The following NUAK1 variants were observed in gnomAD, a reference collection of about 807,000 sequenced individuals.
NUAK1 encodes the protein NUAK family SNF1-like kinase 1.
NUAK1 carries 26 observed loss-of-function variants against 56.9 expected under a neutral mutation model. The observed-to-expected ratio is 0.46, with a 90% CI of 0.33 to 0.63. The LOEUF is 0.63. Among genes scored for constraint, NUAK1 ranks in the 30% least tolerant of loss-of-function variants. The pLI is 0.02. For missense variants in NUAK1, 727 were observed against 876.1 expected, an observed-to-expected ratio of 0.83 and a Z score of 2.15; for synonymous variants, 337 against 336.0, an observed-to-expected ratio of 1.00 and a Z score of -0.03.
intron 2 of NUAK1, among the ~76,000 whole-genome samples, chr12:106,096,853 C>T (rs1203212181): frequency 6.6e-6 from 1 of 152,230 alleles, no homozygotes; most frequent in East Asian, 1.9e-4. Flanking sequence ...ATTTCTCAGC[C>T]TGGTCAATTA....
chr12:106,071,188 G>A (rs1349173987), intron 5 of NUAK1, among the ~76,000 whole-genome samples: 1 of 152,178 alleles, frequency 6.6e-6, no homozygotes, highest in Non-Finnish European at 1.5e-5. Context: ...CTACAATTTT[G>A]TGAAGCAGTT....
Position 106,066,892 on chromosome 12 carries a change from C to A in NUAK1, c.1896G>T (p.Leu632=), listed in dbSNP as rs1456088467. ...TGAGGAGGGAGAAGCTGCTGTCTGCCAGCCGGTTCCGGTACCGCTTCAGGT... is the reference window on the plus strand; with the variant it reads ...TGAGGAGGGAGAAGCTGCTGTCTGCAAGCCGGTTCCGGTACCGCTTCAGGT... The part of the protein sequence containing the change: ...PQYLKRYRNR[L]ADSSFSLLTD... Residue 632 remains leucine, a synonymous_variant, in exon 7 of 7, where the codon CTG becomes CTT. Transcript: ENST00000261402. The A allele has an allele frequency of 4.3e-6, 7 of 1,614,112 alleles. No individual in the cohort carries two copies. The highest frequency in any genetic ancestry group is 5.9e-6 in the Non-Finnish European group (7 of 1,180,048).
At chr12:106,118,714 A>G (rs2032944920) in intron 1 of NUAK1, among the ~76,000 whole-genome samples, 1 of 152,222 alleles carries the variant, frequency 6.6e-6, no homozygotes, top group Non-Finnish European at 1.5e-5. Context: ...ACACACAAAT[A>G]CCAATATTCC....
At chr12:106,096,144 G>A (rs1040696418) in intron 2 of NUAK1, among the ~76,000 whole-genome samples, 2 of 152,024 alleles carry the variant, frequency 1.3e-5, no homozygotes, top group East Asian at 3.9e-4. Context: ...CCATAGTAAA[G>A]GGCAATAGAG....
intron 2 of NUAK1, among the ~76,000 whole-genome samples, chr12:106,087,270 C>T (rs559845433): frequency 6.6e-6 from 1 of 152,290 alleles, no homozygotes; most frequent in East Asian, 1.9e-4. Context: ...ACCAGGTAGC[C>T]GGCCCTGACA....
At chr12:106,068,036 GA>G in intron 6 of NUAK1, 81 bp from the exon 7 acceptor site, 1 of 1,339,838 alleles carries the variant, frequency 7.5e-7, no homozygotes, top group South Asian at 1.4e-5. Flanking sequence ...CAGGAGTGAC[GA>G]AAGACACACA....
At chr12:106,101,355 C>G (rs1322754446) in intron 2 of NUAK1, among the ~76,000 whole-genome samples, 7 of 152,224 alleles carry the variant, frequency 4.6e-5, no homozygotes, top group Admixed American at 4.6e-4. Context: ...ACTGCATCCC[C>G]GCAAAAACTC....
intron 2 of NUAK1, among the ~76,000 whole-genome samples, chr12:106,092,180 T>C (rs140045722): frequency 2.6e-5 from 4 of 152,054 alleles, no homozygotes; most frequent in Admixed American, 6.5e-5. Flanking sequence ...ACCATGAATA[T>C]GAGGAATATG....
At chr12:106,131,432 CA>C (rs1424744517) in intron 1 of NUAK1, among the ~76,000 whole-genome samples, 4 of 152,184 alleles carry the variant, frequency 2.6e-5, no homozygotes, top group Non-Finnish European at 5.9e-5. Flanking sequence ...CAAATGGAAT[CA>C]TACAATCTGT....
intron 2 of NUAK1, among the ~76,000 whole-genome samples, chr12:106,088,018 T>C (rs965654311): frequency 1.3e-5 from 2 of 152,204 alleles, no homozygotes; most frequent in African/African-American, 4.8e-5. Context: ...CAAATGCTTG[T>C]AAATGCTTCT....
At chr12:106,130,101 C>T (rs1439332636) in intron 1 of NUAK1, among the ~76,000 whole-genome samples, 1 of 152,164 alleles carries the variant, frequency 6.6e-6, no homozygotes, top group African/African-American at 2.4e-5. Context: ...CCTGCCTCAG[C>T]CTCCCGAGTA....
At chr12:106,111,216 G>T (rs2032855509) in intron 1 of NUAK1, among the ~76,000 whole-genome samples, 1 of 152,150 alleles carries the variant, frequency 6.6e-6, no homozygotes, top group South Asian at 2.1e-4. Context: ...TCACTGAATG[G>T]CAGTGATTAT....
At chr12:106,108,248 C>G (rs2032823282) in intron 1 of NUAK1, among the ~76,000 whole-genome samples, 1 of 151,826 alleles carries the variant, frequency 6.6e-6, no homozygotes, top group South Asian at 2.1e-4. Flanking sequence ...ATTAAGAATT[C>G]CTTTAACATC....
intron 2 of NUAK1, among the ~76,000 whole-genome samples, chr12:106,095,728 T>C (rs1240467639): frequency 3.9e-5 from 6 of 152,192 alleles, no homozygotes; most frequent in East Asian, 3.8e-4. Context: ...ATGTGTGTGA[T>C]GGGTTGGAGG....
chr12:106,128,177 G>A (rs2033043457), intron 1 of NUAK1, among the ~76,000 whole-genome samples: 1 of 147,828 alleles, frequency 6.8e-6, no homozygotes, highest in South Asian at 2.1e-4. Context: ...TGTTGCCTAG[G>A]CTGGAGTGCA....
chr12:106,108,183 A>G (rs1353967657), intron 1 of NUAK1, among the ~76,000 whole-genome samples: 10 of 152,306 alleles, frequency 6.6e-5, no homozygotes, highest in Admixed American at 2.6e-4. Flanking sequence ...GGAAAAAAAA[A>G]GGGGGAACCA....
chr12:106,069,902 C>G (rs1283105669), intron 6 of NUAK1, among the ~76,000 whole-genome samples: 1 of 152,154 alleles, frequency 6.6e-6, no homozygotes, highest in Non-Finnish European at 1.5e-5. Context: ...ACTCTCTATA[C>G]AGGCATGATA....
rs150912228 is a variant in NUAK1, at chr12:106,097,942, A to T, written c.361+8463T>A. 6.1e-4 allele frequency among the ~76,000 whole-genome samples: 93 copies of T among 152,310 alleles called. No homozygotes were observed. The East Asian group carries it at 0.018, about 29-fold the overall frequency. ...TCCAGGGGCACAGGATGGAGCAGCA[A>T]CACTTTCTGATTCCAGGACCTCTGC... On this transcript the variant is annotated intron_variant, in intron 2 of 6. Coordinates refer to ENST00000261402, the MANE Select transcript of NUAK1 (RefSeq NM_014840.3).
intron 1 of NUAK1, among the ~76,000 whole-genome samples, chr12:106,131,378 A>T (rs574035318): frequency 3.8e-4 from 58 of 152,236 alleles, no homozygotes; most frequent in African/African-American, 1.3e-3. Flanking sequence ...AGGCCCACTC[A>T]TCTACGCTGT....
Sources: gnomAD v4.1 joint callset for allele counts (sites outside exome capture counted in the v4.1 genomes callset) on GRCh38, gnomAD v4.1.1 for gene constraint, MANE v1.5 for transcripts, NCBI Gene and HGNC (gene_info 2026-07-23, HGNC 2026-07-21) for gene names.